The following NRDC variants were observed in gnomAD, a reference collection of about 807,000 sequenced individuals.
The protein encoded by NRDC is nardilysin.
In NRDC, 54 loss-of-function variants were observed where a neutral mutation model predicts 147.1. The ratio of observed to expected loss-of-function variants is 0.37; its 90% CI spans 0.29 to 0.46. The LOEUF (loss-of-function observed/expected upper bound fraction) is 0.46. Among genes scored for constraint, NRDC ranks in the 20% least tolerant of loss-of-function variants. NRDC has a pLI of 1.00. For missense variants in NRDC, 1,082 were observed against 1,370.6 expected, an observed-to-expected ratio of 0.79 and a Z score of 3.33; for synonymous variants, 440 against 482.1, an observed-to-expected ratio of 0.91 and a Z score of 1.14.
At position 51,834,162 on chromosome 1, in the gene NRDC, T is replaced by C; in HGVS notation, c.721A>G (p.Met241Val). 1 of 1,613,736 alleles carries C rather than the reference T, an allele frequency of 6.2e-7. No individual in the cohort carries two copies. Among genetic ancestry groups the C allele is most frequent in the Non-Finnish European group, 8.5e-7 (1 of 1,179,942 alleles). The change falls in exon 4 of 31, where the codon ATG becomes GTG. Residue 241 changes from methionine (M) to valine (V), a missense_variant. Met to Val is a conservative substitution (Grantham distance 21, BLOSUM62 1). Transcript: ENST00000352171. The part of the protein sequence containing the change: ...LAHFLEHMVF[M>V]GSLKYPDENG... The stretch of plus-strand genomic sequence containing the variant: ...TCATCTGGATATTTCAAACTACCCA[T>C]GAATACCACTAAATGGAAAGAACAC...
intron 24 of NRDC, 109 bp downstream of exon 24, chr1:51,794,363 G>T: frequency 9.3e-7 from 1 of 1,079,434 alleles, no homozygotes. Flanking sequence ...AGGACAAATG[G>T]CCCCAAGCAT....
At chr1:51,870,665 T>C (rs918690958) in intron 1 of NRDC, among the ~76,000 whole-genome samples, 4 of 152,150 alleles carry the variant, frequency 2.6e-5, no homozygotes, top group African/African-American at 9.7e-5. Context: ...TCCTTCACTT[T>C]AAGTGAAGAT....
intron 7 of NRDC, 149 bp downstream of exon 7, chr1:51,823,515 C>CG: frequency 3.4e-6 from 2 of 584,732 alleles, no homozygotes; most frequent in Non-Finnish European, 5.6e-6. Context: ...CCACTAGCTA[C>CG]GTGACATCTC....
At chr1:51,844,814 GAAA>G (rs1557925744) in intron 1 of NRDC, among the ~76,000 whole-genome samples, 2 of 76,020 alleles carry the variant, frequency 2.6e-5, no homozygotes, top group Non-Finnish European at 5.6e-5. Flanking sequence ...AGGGAGGGAG[GAAA>G]GAAGGAAGGA....
At chr1:51,798,492 G>C in intron 21 of NRDC, 81 bp from the exon 22 acceptor site, 4 of 1,211,698 alleles carry the variant, frequency 3.3e-6, no homozygotes, top group Non-Finnish European at 4.7e-6. Context: ...TTTGGTCAAA[G>C]TTCTATAAAG....
In NRDC at chr1:51,836,119, A is replaced by G. The variant is rs1349597270; in HGVS notation, c.712+12T>C. On this transcript the variant is annotated intron_variant, in intron 3 of 30. Transcript: ENST00000352171. ...AAAAACACACCAGGAATGATATTTTACAAATTCTTACTGTGCTCCAAAAAG... is the reference window on the plus strand; with the variant it reads ...AAAAACACACCAGGAATGATATTTTGCAAATTCTTACTGTGCTCCAAAAAG... The G allele has an allele frequency of 6.2e-7, 1 of 1,611,250 alleles. No homozygotes were observed. Among genetic ancestry groups the G allele is most frequent in the African/African-American group, 1.3e-5 (1 of 74,866 alleles).
intron 1 of NRDC, among the ~76,000 whole-genome samples, chr1:51,876,087 C>G (rs1216033860): frequency 6.6e-6 from 1 of 152,154 alleles, no homozygotes; most frequent in Non-Finnish European, 1.5e-5. Flanking sequence ...TGAAATAACA[C>G]ATCTAAAACA....
chr1:51,810,453 T>C (rs1269592081), intron 15 of NRDC, 49 bp from the exon 16 acceptor site: 14 of 1,539,248 alleles, frequency 9.1e-6, no homozygotes, highest in Non-Finnish European at 1.1e-5. Flanking sequence ...TTTAACCTAA[T>C]ACATCTCTGT....
intron 1 of NRDC, among the ~76,000 whole-genome samples, chr1:51,844,773 G>A (rs1255981311): frequency 1.8e-5 from 2 of 109,034 alleles, no homozygotes; most frequent in Non-Finnish European, 3.8e-5. Context: ...GGGACGGAGG[G>A]AGGGGGGAGG....
Position 51,812,106 on chromosome 1 carries a change from G to A in NRDC, c.1675-8C>T. 2.5e-6 allele frequency: 4 copies of A among 1,593,308 alleles called. No individual in the cohort carries two copies. Among genetic ancestry groups the A allele is most frequent in the Non-Finnish European group, 3.4e-6 (4 of 1,161,312 alleles). ...ATACTCAACTGGATCTGTCTGTAAA[G>A]AGGTAAATTATTTCACACCAGAACT... On this transcript the variant is annotated splice_polypyrimidine_tract_variant and splice_region_variant and intron_variant, in intron 14 of 30. Coordinates refer to ENST00000352171, the MANE Select transcript of NRDC (RefSeq NM_001101662.2).
At chr1:51,846,117 T>A (rs1375903870) in intron 1 of NRDC, among the ~76,000 whole-genome samples, 1 of 126,268 alleles carries the variant, frequency 7.9e-6, no homozygotes, top group East Asian at 2.4e-4. Flanking sequence ...CACTTTATAA[T>A]TTTTTTTTTT....
intron 8 of NRDC, 81 bp downstream of exon 8, chr1:51,821,417 G>A (rs1680201639): frequency 6.5e-6 from 6 of 916,670 alleles, no homozygotes; most frequent in Admixed American, 5.0e-5. Flanking sequence ...AAATAAAAAA[G>A]CAAAAAACCT....
chr1:51,836,087 G>C lies in NRDC; in HGVS notation c.712+44C>G, dbSNP rs72900096. On this transcript the variant is annotated intron_variant, in intron 3 of 30. Transcript: ENST00000352171. ...GATATCAATTCATATAAGTTTGGAG[G>C]GGGGAAAAAAACACACCAGGAATGA... 2.8e-3 allele frequency: 3,958 copies of C among 1,436,542 alleles called. 102 individuals carry two copies. In the African/African-American group the frequency reaches 0.05, roughly 18 times the overall value. The allele number at this position is 1,436,542 out of a possible 1,614,324, so 89.0% of individuals were successfully genotyped here. A position where few individuals can be genotyped will look rare whatever the true frequency, so the allele number is the denominator to read the frequency against.
intron 3 of NRDC, among the ~76,000 whole-genome samples, chr1:51,834,614 C>G (rs766940544): frequency 2.6e-5 from 4 of 152,072 alleles, no homozygotes; most frequent in Non-Finnish European, 5.9e-5. Context: ...CCACACCTGA[C>G]CCTAAATAAT....
At chr1:51,798,614 T>G (rs1679044724) in intron 21 of NRDC, 2 of 488,450 alleles carry the variant, frequency 4.1e-6, no homozygotes, top group Admixed American at 3.6e-5. Flanking sequence ...ACAAATTTAC[T>G]TAGCAGTACA....
chr1:51,847,728 C>A (rs918649297), intron 1 of NRDC, among the ~76,000 whole-genome samples: 1 of 152,196 alleles, frequency 6.6e-6, no homozygotes, highest in South Asian at 2.1e-4. Context: ...CGTGCAACCC[C>A]GGTTCCCGCC....
intron 1 of NRDC, among the ~76,000 whole-genome samples, chr1:51,862,894 C>T (rs1048851953): frequency 5.9e-5 from 9 of 151,536 alleles, no homozygotes; most frequent in Admixed American, 3.3e-4. Flanking sequence ...CCTATAATCC[C>T]AGCTACTCGG....
chr1:51,856,880 A>T (rs1238261730), intron 1 of NRDC, among the ~76,000 whole-genome samples: 1 of 152,190 alleles, frequency 6.6e-6, no homozygotes, highest in Non-Finnish European at 1.5e-5. Flanking sequence ...ATGAGACCTG[A>T]CACACCCAAC....
At chr1:51,868,907 T>C (rs1019132001) in intron 1 of NRDC, among the ~76,000 whole-genome samples, 9 of 152,158 alleles carry the variant, frequency 5.9e-5, no homozygotes, top group African/African-American at 1.2e-4. Flanking sequence ...ATTTAAAATG[T>C]TACCAGTGGT....
Sources: allele counts gnomAD v4.1 joint callset (sites outside exome capture counted in the v4.1 genomes callset), GRCh38; gene constraint gnomAD v4.1.1; transcripts MANE v1.5; gene names NCBI Gene and HGNC (gene_info 2026-07-23, HGNC 2026-07-21).